AGPS: variants seen among roughly 807,000 people sequenced by gnomAD.
The protein encoded by AGPS is alkylglycerone phosphate synthase, also known as alkyldihydroxyacetonephosphate synthase, peroxisomal.
Under a neutral mutation model 90.7 loss-of-function variants are expected in AGPS, and 26 were observed. The observed-to-expected ratio is 0.29, with a 90% CI of 0.21 to 0.40. AGPS has a LOEUF of 0.40. AGPS is among the 10% of genes least tolerant of loss of function. AGPS has a pLI of 1.00. For missense variants in AGPS, 540 were observed against 816.1 expected (o/e 0.66, Z 4.12); for synonymous variants, 294 against 285.3 (o/e 1.03, Z -0.31).
At chr2:177,458,802 T>G (rs535786892) in intron 8 of AGPS, among the ~76,000 whole-genome samples, 2 of 152,326 alleles carry the variant, frequency 1.3e-5, no homozygotes, top group East Asian at 3.9e-4. Flanking sequence ...ACTTACTTTC[T>G]TCACAGAATT....
chr2:177,415,381 G>A (rs190735347), intron 1 of AGPS, among the ~76,000 whole-genome samples: 1 of 152,262 alleles, frequency 6.6e-6, no homozygotes, highest in Admixed American at 6.5e-5. Context: ...TCTGTGGAGT[G>A]GCTTACCAGT....
intron 2 of AGPS, among the ~76,000 whole-genome samples, chr2:177,432,536 G>A (rs1167967034): frequency 1.3e-5 from 2 of 152,178 alleles, no homozygotes; most frequent in Non-Finnish European, 2.9e-5. Flanking sequence ...CATGTATTCT[G>A]CAATGCTAAG....
chr2:177,410,077 TAGCC>T (rs570026488), intron 1 of AGPS, among the ~76,000 whole-genome samples: 74 of 152,324 alleles, frequency 4.9e-4, no homozygotes, highest in African/African-American at 1.7e-3. Flanking sequence ...CTTCAGTGGC[TAGCC>T]ATCCTGAGGG....
rs928619500 is a variant in AGPS at position 177,538,420 on chromosome 2, C to T, written c.*225C>T. 2.0e-5 allele frequency: 11 copies of T among 545,812 alleles called. No homozygotes were observed. Among genetic ancestry groups the T allele is most frequent in the Admixed American group, 6.7e-5 (2 of 29,918 alleles). The allele number at this position is 545,812 out of a possible 1,614,324, so 33.8% of individuals were successfully genotyped here. A position where few individuals can be genotyped will look rare whatever the true frequency, so the allele number is the denominator to read the frequency against. ...TGTAGGTACATCATTTTACATTCAG[C>T]GGTTGTCATTTCAAATTTTAGTCAG... On this transcript the variant is annotated 3_prime_UTR_variant, in exon 20 of 20. Coordinates refer to ENST00000264167, the MANE Select transcript of AGPS (RefSeq NM_003659.4).
At chr2:177,445,486 A>G in intron 7 of AGPS, 60 bp from the exon 8 acceptor site, 1 of 1,414,542 alleles carries the variant, frequency 7.1e-7, no homozygotes, top group South Asian at 1.2e-5. Context: ...AGGAAGTTAT[A>G]TTTCCTGAGA....
intron 10 of AGPS, among the ~76,000 whole-genome samples, chr2:177,480,035 C>T (rs1350981616): frequency 2.6e-5 from 4 of 152,040 alleles, no homozygotes; most frequent in Admixed American, 2.0e-4. Context: ...ACAAAATTAG[C>T]CAGGCATGGT....
intron 5 of AGPS, among the ~76,000 whole-genome samples, 175 bp from the exon 6 acceptor site, chr2:177,440,790 T>A (rs989922492): frequency 6.6e-6 from 1 of 152,168 alleles, no homozygotes; most frequent in African/African-American, 2.4e-5. Flanking sequence ...TCAAATTATT[T>A]CAAAATGAAA....
chr2:177,445,680 C>G (rs1356944463), intron 8 of AGPS, 54 bp downstream of exon 8: 1 of 1,230,170 alleles, frequency 8.1e-7, no homozygotes, highest in Non-Finnish European at 1.1e-6. Flanking sequence ...AATATCAATT[C>G]TGATGTTATT....
chr2:177,535,647 G>C (rs2079177127), intron 19 of AGPS, among the ~76,000 whole-genome samples: 2 of 152,132 alleles, frequency 1.3e-5, no homozygotes, highest in African/African-American at 4.8e-5. Context: ...TAATTGTCTT[G>C]TTGTTAAGGC....
At chr2:177,400,049 T>G (rs886108213) in intron 1 of AGPS, among the ~76,000 whole-genome samples, 2 of 152,230 alleles carry the variant, frequency 1.3e-5, no homozygotes, top group African/African-American at 2.4e-5. Context: ...TTACTTGTTT[T>G]AATATAAAGT....
chr2:177,504,000 C>T (rs1313954109), intron 14 of AGPS, among the ~76,000 whole-genome samples: 1 of 152,178 alleles, frequency 6.6e-6, no homozygotes, highest in African/African-American at 2.4e-5. Flanking sequence ...TGTCTCATCT[C>T]GACATAACAG....
intron 11 of AGPS, among the ~76,000 whole-genome samples, chr2:177,484,625 C>T (rs1489870584): frequency 3.3e-5 from 5 of 151,964 alleles, no homozygotes; most frequent in Non-Finnish European, 7.4e-5. Context: ...GGATTACAGT[C>T]GTGAGCCACC....
chr2:177,495,711 T>A (rs796907170), intron 12 of AGPS, among the ~76,000 whole-genome samples: 1 of 148,974 alleles, frequency 6.7e-6, no homozygotes, highest in African/African-American at 2.5e-5. Context: ...AGTTTGAGAC[T>A]AGCCTGGCCA....
At chr2:177,535,793 A>G (rs936294144) in intron 19 of AGPS, among the ~76,000 whole-genome samples, 2 of 152,160 alleles carry the variant, frequency 1.3e-5, no homozygotes, top group Non-Finnish European at 2.9e-5. Flanking sequence ...ACCCCATTTC[A>G]AATTCTGTTA....
chr2:177,459,076 T>G (rs922188497), intron 8 of AGPS, among the ~76,000 whole-genome samples: 1 of 152,154 alleles, frequency 6.6e-6, no homozygotes, highest in African/African-American at 2.4e-5. Context: ...GGGGGAAAGA[T>G]TCCCTATTTA....
At chr2:177,438,753 A>G (rs1305142070) in intron 5 of AGPS, among the ~76,000 whole-genome samples, 1 of 152,202 alleles carries the variant, frequency 6.6e-6, no homozygotes, top group African/African-American at 2.4e-5. Context: ...TCCTGGCTGA[A>G]TCAAGTTTAT....
intron 8 of AGPS, among the ~76,000 whole-genome samples, chr2:177,461,660 T>G (rs573338412): frequency 1.3e-5 from 2 of 152,300 alleles, no homozygotes; most frequent in African/African-American, 4.8e-5. Flanking sequence ...AAAATAGAAC[T>G]TCTTTTGGCC....
chr2:177,490,252 A>G (rs982671777), intron 11 of AGPS, among the ~76,000 whole-genome samples: 1 of 152,166 alleles, frequency 6.6e-6, no homozygotes, highest in Non-Finnish European at 1.5e-5. Context: ...AGCTTTATAT[A>G]TTTAGAATGA....
At chr2:177,461,544 T>G (rs1687292665) in intron 8 of AGPS, among the ~76,000 whole-genome samples, 1 of 152,062 alleles carries the variant, frequency 6.6e-6, no homozygotes, top group Non-Finnish European at 1.5e-5. Flanking sequence ...TAATCTGATC[T>G]CCATAAATAT....
Sources: allele counts gnomAD v4.1 joint callset (sites outside exome capture counted in the v4.1 genomes callset), GRCh38; gene constraint gnomAD v4.1.1; transcripts MANE v1.5; gene names NCBI Gene and HGNC (gene_info 2026-07-23, HGNC 2026-07-21).